The following EDEM1 variants were observed in gnomAD, a reference collection of about 807,000 sequenced individuals.
EDEM1 encodes the protein ER degradation-enhancing alpha-mannosidase-like protein 1.
A neutral mutation model predicts 74.4 loss-of-function variants in EDEM1; 67 were observed. That is an observed-to-expected ratio of 0.90 (90% CI 0.74 to 1.10). The LOEUF is 1.10. Ranked by LOEUF, EDEM1 falls within the 50% of genes least tolerant of loss-of-function variation. The pLI is 0.00. For missense variants in EDEM1, 926 were observed against 851.6 expected (o/e 1.09, Z -1.09); for synonymous variants, 382 against 335.9 (o/e 1.14, Z -1.50).
At chr3:5,195,175 A>T (rs764337478) in intron 1 of EDEM1, 34 bp from the exon 2 acceptor site, 1 of 1,282,066 alleles carries the variant, frequency 7.8e-7, no homozygotes, top group South Asian at 1.5e-5. Flanking sequence ...TTTGAAATAA[A>T]GTCTTTTTGT....
intron 8 of EDEM1, among the ~76,000 whole-genome samples, chr3:5,209,173 G>A (rs962111639): frequency 3.5e-4 from 53 of 152,198 alleles, no homozygotes; most frequent in Admixed American, 2.6e-3. Context: ...GTTTGCTTCA[G>A]ATGAAAAAAG....
At chr3:5,206,981 G>C (rs2055105478) in intron 6 of EDEM1, among the ~76,000 whole-genome samples, 172 bp from the exon 7 acceptor site, 1 of 152,224 alleles carries the variant, frequency 6.6e-6, no homozygotes, top group South Asian at 2.1e-4. Flanking sequence ...TCTTCTGCTA[G>C]AGTCTAATGT....
At chr3:5,207,474 G>A (rs980412455) in intron 7 of EDEM1, among the ~76,000 whole-genome samples, 5 of 152,092 alleles carry the variant, frequency 3.3e-5, no homozygotes, top group South Asian at 4.1e-4. Context: ...GTGCAAAACC[G>A]TGCTTGAGAA....
Position 5,205,200 on chromosome 3 carries a change from T to C in EDEM1, c.1176T>C (p.Phe392=), listed in dbSNP as rs2055081164. The C allele has an allele frequency of 6.2e-7, 1 of 1,614,208 alleles. No homozygotes were observed. The highest frequency in any genetic ancestry group is 8.5e-7 in the Non-Finnish European group (1 of 1,180,024). Reference sequence around the variant, plus strand: ...GAGAAAAAGAAGACCTAGAAATGTTTAATGCTGCATATCAGAGTATTCAGA... The same window carrying C: ...GAGAAAAAGAAGACCTAGAAATGTTCAATGCTGCATATCAGAGTATTCAGA... ...LFGEKEDLEM[F]NAAYQSIQNY... The change falls in exon 6 of 12, where the codon TTT becomes TTC. Residue 392 remains phenylalanine (F), a synonymous_variant. Coordinates refer to ENST00000256497, the MANE Select transcript of EDEM1 (RefSeq NM_014674.3).
intron 1 of EDEM1, among the ~76,000 whole-genome samples, chr3:5,193,908 C>A (rs2054932036): frequency 6.6e-6 from 1 of 152,216 alleles, no homozygotes; most frequent in Admixed American, 6.5e-5. Flanking sequence ...TAAAATTTTA[C>A]TATAAATTCT....
At chr3:5,206,464 C>A (rs1174144004) in intron 6 of EDEM1, among the ~76,000 whole-genome samples, 1 of 152,124 alleles carries the variant, frequency 6.6e-6, no homozygotes, top group Non-Finnish European at 1.5e-5. Context: ...CCTCGGCCTC[C>A]CAAAGTGCTG....
At chr3:5,211,793 C>T (rs991444157) in intron 10 of EDEM1, among the ~76,000 whole-genome samples, 22 of 152,144 alleles carry the variant, frequency 1.4e-4, no homozygotes, top group African/African-American at 5.1e-4. Flanking sequence ...AGAGGTCAGG[C>T]GACTTGCTCA....
chr3:5,190,155 C>T (rs1208466660), intron 1 of EDEM1, among the ~76,000 whole-genome samples: 1 of 152,108 alleles, frequency 6.6e-6, no homozygotes, highest in Admixed American at 6.5e-5. Flanking sequence ...GCCACTAGTT[C>T]CTACCCATAT....
chr3:5,210,121 G>A (rs965075370), intron 8 of EDEM1, 54 bp from the exon 9 acceptor site: 17 of 1,510,160 alleles, frequency 1.1e-5, no homozygotes, highest in African/African-American at 9.6e-5. Context: ...GATGTTTGTC[G>A]ATGGCATGTC....
In EDEM1 at chr3:5,205,853, G is replaced by T. The variant is rs552093666; in HGVS notation, c.1217+612G>T. On this transcript the variant is annotated intron_variant, in intron 6 of 11. Coordinates refer to ENST00000256497, the MANE Select transcript of EDEM1 (RefSeq NM_014674.3). ...CACCCAGATCAAAATGATACATTCA[G>T]TGTGGGAGGGGGCTGTGCAAGCGTG... Among the ~76,000 whole-genome samples, 11 of 152,088 alleles carry T rather than the reference G, an allele frequency of 7.2e-5. No homozygotes were observed. The South Asian group carries it at 1.2e-3, about 17-fold the overall frequency.
At chr3:5,214,897 A>G (rs545030109) in intron 11 of EDEM1, among the ~76,000 whole-genome samples, 43 of 152,256 alleles carry the variant, frequency 2.8e-4, no homozygotes, top group African/African-American at 9.9e-4. Context: ...CTTCCATCCT[A>G]GGCGTTTGTC....
At chr3:5,204,318 A>C (rs1299245695) in intron 5 of EDEM1, among the ~76,000 whole-genome samples, 1 of 151,976 alleles carries the variant, frequency 6.6e-6, no homozygotes, top group African/African-American at 2.4e-5. Flanking sequence ...TTGCATTCAT[A>C]ATGACCACTT....
In EDEM1 at chr3:5,205,152, C is replaced by T; in HGVS notation, c.1128C>T (p.Leu376=). Residue 376 remains leucine, a synonymous_variant, in exon 6 of 12, where the codon CTC becomes CTT. Transcript: ENST00000256497. ...GAGLDSFYEY[L]LKSYILFGEK... ...GGCTGGACTCCTTCTATGAATACCT[C>T]TTGAAATCTTACATTCTCTTTGGAG... The T allele has an allele frequency of 2.5e-6, 4 of 1,614,214 alleles. No homozygotes were observed. The highest frequency in any genetic ancestry group is 3.4e-6 in the Non-Finnish European group (4 of 1,180,030).
At chr3:5,205,801 T>C (rs1246034586) in intron 6 of EDEM1, among the ~76,000 whole-genome samples, 1 of 152,034 alleles carries the variant, frequency 6.6e-6, no homozygotes, top group Non-Finnish European at 1.5e-5. Flanking sequence ...GGGAATGATA[T>C]ACCAATACTT....
chr3:5,211,481 A>G (rs1266802847), intron 10 of EDEM1: 1 of 401,970 alleles, frequency 2.5e-6, no homozygotes, highest in Non-Finnish European at 4.7e-6. Flanking sequence ...ATTGATACAG[A>G]ACCAGTGTTA....
chr3:5,194,828 C>T (rs1014356700), intron 1 of EDEM1, among the ~76,000 whole-genome samples: 14 of 152,132 alleles, frequency 9.2e-5, no homozygotes, highest in Non-Finnish European at 1.5e-5. Flanking sequence ...ACAGGTGGGT[C>T]GTATGACAAG....
In EDEM1 at chr3:5,193,016, T is replaced by C. The variant is rs1205687243; in HGVS notation, c.510-2193T>C. Among the ~76,000 whole-genome samples, 4 of 152,100 alleles carry C rather than the reference T, an allele frequency of 2.6e-5. No individual in the cohort carries two copies. The South Asian group carries it at 6.2e-4, about 24-fold the overall frequency. ...AACTGGGTCTATTTTAGTTATAGATTACAAGGCAAAGCACAATAAAACATA... is the reference window on the plus strand; with the variant it reads ...AACTGGGTCTATTTTAGTTATAGATCACAAGGCAAAGCACAATAAAACATA... On this transcript the variant is annotated intron_variant, in intron 1 of 11. Transcript: ENST00000256497.
rs960515284 is a variant in EDEM1, at chr3:5,213,420, A to G, written c.1782A>G (p.Pro594=). The change falls in exon 11 of 12, where the codon CCA becomes CCG. Residue 594 remains proline, a synonymous_variant. Transcript: ENST00000256497. The part of the protein sequence containing the change: ...VSVDEHLREL[P]WKEFFSEEGG... The stretch of plus-strand genomic sequence containing the variant: ...TGGATGAGCATCTTCGGGAATTGCC[A>G]TGGAAGGAATTCTTCTCTGAAGAGG... 3.1e-6 allele frequency: 5 copies of G among 1,614,070 alleles called. No homozygotes were observed. The highest frequency in any genetic ancestry group is 4.5e-5 in the East Asian group (2 of 44,882).
Position 5,216,199 on chromosome 3 carries a change from T to C in EDEM1, c.*281T>C. On this transcript the variant is annotated 3_prime_UTR_variant, in exon 12 of 12. Coordinates refer to ENST00000256497, the MANE Select transcript of EDEM1 (RefSeq NM_014674.3). ...TGTTATAAGCACAATAGATGGGGCATCTTTGGATTGATGTTCACAGCTTTA... is the reference window on the plus strand; with the variant it reads ...TGTTATAAGCACAATAGATGGGGCACCTTTGGATTGATGTTCACAGCTTTA... 1 of 412,964 alleles carries C rather than the reference T, an allele frequency of 2.4e-6. No homozygotes were observed. The highest frequency in any genetic ancestry group is 2.1e-5 in the African/African-American group (1 of 48,062). The allele number at this position is 412,964 out of a possible 1,614,324, so 25.6% of individuals were successfully genotyped here.
Sources: allele counts gnomAD v4.1 joint callset (sites outside exome capture counted in the v4.1 genomes callset), GRCh38; gene constraint gnomAD v4.1.1; transcripts MANE v1.5; gene names NCBI Gene and HGNC (gene_info 2026-07-23, HGNC 2026-07-21).